GABRG3: variants seen among roughly 807,000 people sequenced by gnomAD.
The protein encoded by GABRG3 is gamma-aminobutyric acid receptor subunit gamma-3.
Under a neutral mutation model 48.8 loss-of-function variants are expected in GABRG3, and 25 were observed. The observed-to-expected ratio is 0.51, with a 90% CI of 0.37 to 0.72. GABRG3 has a LOEUF of 0.72. Ranked by LOEUF, GABRG3 falls within the 30% of genes least tolerant of loss-of-function variation. GABRG3 has a pLI of 0.00. For synonymous variants in GABRG3, 227 were observed against 217.6 expected, an observed-to-expected ratio of 1.04 and a Z score of -0.38; for missense variants, 394 against 577.9, an observed-to-expected ratio of 0.68 and a Z score of 3.26.
At position 27,279,979 on chromosome 15, in the gene GABRG3, G is replaced by A. The variant is rs72702090; in HGVS notation, c.271-46830G>A. On this transcript the variant is annotated intron_variant, in intron 3 of 9. Coordinates refer to ENST00000615808, the MANE Select transcript of GABRG3 (RefSeq NM_033223.5). ...CTATATAGATTTTGACATTTTTAAA[G>A]CTATATATTTCATATTTTACAGTGA... Among the ~76,000 whole-genome samples, 1,341 of 152,060 alleles carry A rather than the reference G, an allele frequency of 8.8e-3. 10 individuals are homozygous for A. Among genetic ancestry groups the A allele is most frequent in the Non-Finnish European group, 0.014 (959 of 67,950 alleles).
At chr15:27,148,655 G>A (rs1225561469) in intron 3 of GABRG3, among the ~76,000 whole-genome samples, 1 of 151,826 alleles carries the variant, frequency 6.6e-6, no homozygotes, top group African/African-American at 2.4e-5. Flanking sequence ...TTATACACCA[G>A]TGACCAAGTA....
At chr15:27,290,837 T>C (rs1310383293) in intron 3 of GABRG3, among the ~76,000 whole-genome samples, 1 of 152,208 alleles carries the variant, frequency 6.6e-6, no homozygotes, top group Non-Finnish European at 1.5e-5. Context: ...ATCATACTAG[T>C]GTAAAAATAC....
At chr15:27,092,719 T>G (rs1203094398) in intron 3 of GABRG3, among the ~76,000 whole-genome samples, 1 of 152,208 alleles carries the variant, frequency 6.6e-6, no homozygotes, top group Non-Finnish European at 1.5e-5. Context: ...CAAGTTGAAT[T>G]ACAGAGTTTT....
At chr15:27,182,592 T>C (rs1887966111) in intron 3 of GABRG3, among the ~76,000 whole-genome samples, 1 of 152,198 alleles carries the variant, frequency 6.6e-6, no homozygotes, top group Non-Finnish European at 1.5e-5. Context: ...AATGATTCTC[T>C]GTGCCCAGTG....
intron 3 of GABRG3, among the ~76,000 whole-genome samples, chr15:27,188,518 A>T (rs1306253017): frequency 1.3e-5 from 2 of 151,738 alleles, no homozygotes; most frequent in African/African-American, 4.8e-5. Flanking sequence ...GGCTGCATAA[A>T]TGTCTTCTTT....
At chr15:27,198,693 A>AC (rs1888585849) in intron 3 of GABRG3, among the ~76,000 whole-genome samples, 1 of 152,226 alleles carries the variant, frequency 6.6e-6, no homozygotes, top group Non-Finnish European at 1.5e-5. Context: ...AGATACATGC[A>AC]CATGTATGTT....
Position 27,336,208 on chromosome 15 carries a change from AAGAGAG to A in GABRG3, c.574+7341_574+7346del, listed in dbSNP as rs71285057. Among the ~76,000 whole-genome samples, 86 of 138,770 alleles carry A rather than the reference AAGAGAG, an allele frequency of 6.2e-4. 1 individual carries two copies. Among genetic ancestry groups the A allele is most frequent in the South Asian group, 1.8e-3 (8 of 4,346 alleles). 91.0% of individuals were successfully genotyped at this position (138,770 alleles called of 152,430 possible). On this transcript the variant is annotated intron_variant, in intron 5 of 9. Transcript: ENST00000615808. Reference sequence around the variant, plus strand: ...CAGTATGAAAAGAAAGAAAGAAAGAAAGAGAGAGAGAGAGAGAGAGAGAGAGGAGAA... The same window carrying A: ...CAGTATGAAAAGAAAGAAAGAAAGAAAGAGAGAGAGAGAGAGAGAGGAGAA...
At chr15:26,981,906 A>G (rs566165796) in intron 2 of GABRG3, among the ~76,000 whole-genome samples, 1 of 152,296 alleles carries the variant, frequency 6.6e-6, no homozygotes, top group South Asian at 2.1e-4. Flanking sequence ...TCGAATTTCA[A>G]AATCCATGTG....
intron 3 of GABRG3, among the ~76,000 whole-genome samples, chr15:27,246,599 G>T (rs141070761): frequency 2.6e-4 from 40 of 152,048 alleles, no homozygotes; most frequent in African/African-American, 8.7e-4. Flanking sequence ...TTTTTTTTAT[G>T]TTGGCTTTAA....
At chr15:27,488,022 G>A (rs1334527929) in intron 6 of GABRG3, among the ~76,000 whole-genome samples, 1 of 152,174 alleles carries the variant, frequency 6.6e-6, no homozygotes, top group Non-Finnish European at 1.5e-5. Context: ...GTGGAGCGCA[G>A]CACTCTAGAA....
chr15:27,426,574 G>A (rs1405780796), intron 5 of GABRG3, among the ~76,000 whole-genome samples: 1 of 152,088 alleles, frequency 6.6e-6, no homozygotes, highest in African/African-American at 2.4e-5. Context: ...CAGCACTTCG[G>A]GAGTCAAGAA....
rs145224586 is a variant in GABRG3, at chr15:27,418,591, G to A, written c.575-62059G>A. On this transcript the variant is annotated intron_variant, in intron 5 of 9. Transcript: ENST00000615808. ...CAGGCACATTCCAATGGCCCCCACC[G>A]GTGAGGCTTTTGCCTGTGCAGCAGA... 4.3e-3 allele frequency among the ~76,000 whole-genome samples: 662 copies of A among 152,296 alleles called. 7 individuals are homozygous for A. Among genetic ancestry groups the A allele is most frequent in the African/African-American group, 0.015 (621 of 41,556 alleles).
At chr15:27,268,263 A>G (rs180769807) in intron 3 of GABRG3, among the ~76,000 whole-genome samples, 33 of 152,262 alleles carry the variant, frequency 2.2e-4, no homozygotes, top group African/African-American at 7.0e-4. Flanking sequence ...CAATTTGGCC[A>G]TTTGTGTTTT....
intron 3 of GABRG3, among the ~76,000 whole-genome samples, chr15:27,138,363 G>A (rs1447997580): frequency 6.6e-6 from 1 of 152,122 alleles, no homozygotes; most frequent in Non-Finnish European, 1.5e-5. Context: ...TCACTCTTGG[G>A]CTGTACTATA....
chr15:27,504,832 C>T (rs550917853), intron 6 of GABRG3, among the ~76,000 whole-genome samples: 120 of 152,194 alleles, frequency 7.9e-4, no homozygotes, highest in African/African-American at 2.8e-3. Flanking sequence ...CATATATTTG[C>T]TGAGTATAAG....
At chr15:26,978,262 G>A (rs970544207) in intron 2 of GABRG3, among the ~76,000 whole-genome samples, 1 of 151,924 alleles carries the variant, frequency 6.6e-6, no homozygotes, top group African/African-American at 2.4e-5. Context: ...GATCCTTTAT[G>A]TCAAATATGT....
At chr15:27,197,496 C>T (rs1244977921) in intron 3 of GABRG3, among the ~76,000 whole-genome samples, 7 of 150,244 alleles carry the variant, frequency 4.7e-5, no homozygotes, top group African/African-American at 9.8e-5. Context: ...ATCATCAGTA[C>T]CATGTGAATG....
intron 3 of GABRG3, among the ~76,000 whole-genome samples, chr15:27,065,770 C>G (rs997497118): frequency 6.6e-6 from 1 of 152,244 alleles, no homozygotes. Flanking sequence ...TAGGACACAG[C>G]ACTTTACTTG....
intron 3 of GABRG3, among the ~76,000 whole-genome samples, chr15:27,126,189 T>C (rs531521622): frequency 6.6e-6 from 1 of 152,322 alleles, no homozygotes; most frequent in Non-Finnish European, 1.5e-5. Context: ...TTACACTTTC[T>C]TTACTAAACA....
Sources: gnomAD v4.1 joint callset for allele counts (sites outside exome capture counted in the v4.1 genomes callset) on GRCh38, gnomAD v4.1.1 for gene constraint, MANE v1.5 for transcripts, NCBI Gene and HGNC (gene_info 2026-07-23, HGNC 2026-07-21) for gene names.